Variants in MEIS2 observed in about 807,000 individuals in gnomAD.
The protein encoded by MEIS2 is Meis homeobox 2, also known as homeobox protein Meis2.
A neutral mutation model predicts 58.6 loss-of-function variants in MEIS2; 9 were observed. The ratio of observed to expected loss-of-function variants is 0.15; its 90% confidence interval spans 0.09 to 0.27. MEIS2 has a LOEUF of 0.27. MEIS2 is among the 10% of genes least tolerant of loss of function. MEIS2 has a pLI of 1.00. For synonymous variants in MEIS2, 221 were observed against 228.4 expected (o/e 0.97, Z 0.29); for missense variants, 427 against 635.0 (o/e 0.67, Z 3.52).
At chr15:36,987,689 A>G (rs1439979592) in intron 8 of MEIS2, among the ~76,000 whole-genome samples, 1 of 152,168 alleles carries the variant, frequency 6.6e-6, no homozygotes, top group Non-Finnish European at 1.5e-5. Context: ...GGCAAAGAAA[A>G]GGCATGTCAG....
At chr15:36,991,506 A>G (rs903004524) in intron 8 of MEIS2, among the ~76,000 whole-genome samples, 1 of 152,130 alleles carries the variant, frequency 6.6e-6, no homozygotes, top group East Asian at 1.9e-4. Context: ...TCTCTCATGC[A>G]TCTTCATAGG....
At chr15:37,021,041 C>T (rs2061509064) in intron 8 of MEIS2, among the ~76,000 whole-genome samples, 1 of 152,148 alleles carries the variant, frequency 6.6e-6, no homozygotes, top group Non-Finnish European at 1.5e-5. Context: ...CCTCACCCAA[C>T]AATAACCCTG....
At chr15:37,085,612 C>T (rs1367559909) in intron 6 of MEIS2, among the ~76,000 whole-genome samples, 1 of 152,104 alleles carries the variant, frequency 6.6e-6, no homozygotes, top group Non-Finnish European at 1.5e-5. Flanking sequence ...GCACTGCTAT[C>T]AGGCAAGCAA....
intron 9 of MEIS2, among the ~76,000 whole-genome samples, chr15:36,940,242 A>C (rs1248789182): frequency 6.6e-6 from 1 of 152,128 alleles, no homozygotes; most frequent in Non-Finnish European, 1.5e-5. Context: ...GTCTTGCGGG[A>C]GGCAAGTTGT....
At chr15:37,048,092 C>T (rs2062753609) in intron 7 of MEIS2, among the ~76,000 whole-genome samples, 1 of 152,056 alleles carries the variant, frequency 6.6e-6, no homozygotes, top group Non-Finnish European at 1.5e-5. Context: ...ACAGGTCTTT[C>T]AAGGAAAGAT....
At chr15:36,990,815 GA>G (rs150054113) in intron 8 of MEIS2, among the ~76,000 whole-genome samples, 14 of 146,226 alleles carry the variant, frequency 9.6e-5, no homozygotes, top group East Asian at 2.0e-4. Context: ...GGCTTTTCAG[GA>G]AAAAAAAAAG....
At chr15:36,892,919 A>T (rs1418632023) in intron 11 of MEIS2, among the ~76,000 whole-genome samples, 1 of 152,252 alleles carries the variant, frequency 6.6e-6, no homozygotes, top group East Asian at 1.9e-4. Flanking sequence ...TTATTACACA[A>T]AACATTACAG....
intron 8 of MEIS2, among the ~76,000 whole-genome samples, chr15:36,995,612 T>G (rs2060448032): frequency 2.5e-5 from 1 of 40,128 alleles, no homozygotes. Context: ...TTCATTAGGG[T>G]TTTTTTTTTT....
intron 9 of MEIS2, among the ~76,000 whole-genome samples, chr15:36,911,223 C>G (rs1477187481): frequency 6.6e-6 from 1 of 151,812 alleles, no homozygotes; most frequent in African/African-American, 2.4e-5. Context: ...CCTAAAATGT[C>G]TGCTTCAAAA....
chr15:36,936,617 C>T (rs1205507980), intron 9 of MEIS2, among the ~76,000 whole-genome samples: 1 of 152,152 alleles, frequency 6.6e-6, no homozygotes, highest in Non-Finnish European at 1.5e-5. Context: ...TGTAGTTCTA[C>T]TGTAATTATG....
intron 8 of MEIS2, among the ~76,000 whole-genome samples, chr15:37,000,229 G>C (rs1244383033): frequency 6.6e-6 from 1 of 152,170 alleles, no homozygotes; most frequent in Admixed American, 6.5e-5. Flanking sequence ...TGACTACAAA[G>C]AGGTTTTTTG....
chr15:36,991,003 A>T (rs941546100), intron 8 of MEIS2, among the ~76,000 whole-genome samples: 14 of 152,162 alleles, frequency 9.2e-5, no homozygotes, highest in African/African-American at 2.9e-4. Context: ...GGGCATGTAT[A>T]ACTATTTTTC....
chr15:37,019,716 CA>C (rs2061461756), intron 8 of MEIS2, among the ~76,000 whole-genome samples: 1 of 152,112 alleles, frequency 6.6e-6, no homozygotes, highest in Non-Finnish European at 1.5e-5. Flanking sequence ...ACGCAGGGCC[CA>C]ACAGCAGGCC....
Position 37,067,264 on chromosome 15 carries a change from A to AT in MEIS2, c.754+16506dup, listed in dbSNP as rs368261532. On this transcript the variant is annotated intron_variant, in intron 7 of 11. Transcript: ENST00000561208. The stretch of plus-strand genomic sequence containing the variant: ...ACCATCATGTCTGGCTAATTTTTGT[A>AT]TTTTTTGTAGAGACAGGGTTTCACC... Among the ~76,000 whole-genome samples the AT allele has an allele frequency of 7.2e-5, 11 of 151,824 alleles. No individual in the cohort carries two copies. The East Asian group carries it at 7.8e-4, about 11-fold the overall frequency.
At chr15:36,981,346 C>A (rs1385376001) in intron 8 of MEIS2, among the ~76,000 whole-genome samples, 2 of 152,186 alleles carry the variant, frequency 1.3e-5, no homozygotes, top group East Asian at 3.9e-4. Flanking sequence ...TTCAGGTAGG[C>A]AATTATACCA....
At chr15:37,038,805 A>G (rs1215848192) in intron 7 of MEIS2, among the ~76,000 whole-genome samples, 3 of 152,220 alleles carry the variant, frequency 2.0e-5, no homozygotes, top group Non-Finnish European at 4.4e-5. Flanking sequence ...TGTACACCGG[A>G]GTGTCGCCTG....
At chr15:36,989,269 T>C (rs2060191217) in intron 8 of MEIS2, among the ~76,000 whole-genome samples, 1 of 152,184 alleles carries the variant, frequency 6.6e-6, no homozygotes, top group African/African-American at 2.4e-5. Context: ...CTAAAGCTCA[T>C]GGTTTTCCTG....
At chr15:37,098,475 T>G (rs1894666939) in intron 1 of MEIS2, 7 of 976,178 alleles carry the variant, frequency 7.2e-6, no homozygotes, top group Non-Finnish European at 9.2e-6. Context: ...CGAGCACAAG[T>G]TGAGCACACA....
intron 7 of MEIS2, among the ~76,000 whole-genome samples, chr15:37,040,088 G>A (rs1328302034): frequency 6.6e-6 from 1 of 150,946 alleles, no homozygotes; most frequent in Non-Finnish European, 1.5e-5. Context: ...GTGTGTGTGT[G>A]TGTGTGTGGT....
Sources: allele counts gnomAD v4.1 joint callset (sites outside exome capture counted in the v4.1 genomes callset), GRCh38; gene constraint gnomAD v4.1.1; transcripts MANE v1.5; gene names NCBI Gene and HGNC (gene_info 2026-07-23, HGNC 2026-07-21).